Variants in STOX2 observed in about 807,000 individuals in gnomAD.
STOX2 encodes the protein storkhead box 2.
Under a neutral mutation model 60.9 loss-of-function variants are expected in STOX2, and 28 were observed. That is an observed-to-expected ratio of 0.46 (90% confidence interval 0.34 to 0.63). The LOEUF is 0.63. Ranked by LOEUF, STOX2 falls within the 30% of genes least tolerant of loss-of-function variation. STOX2 has a pLI of 0.01. For missense variants in STOX2, 1,024 were observed against 1,187.7 expected (o/e 0.86, Z 2.03); for synonymous variants, 472 against 463.9 (o/e 1.02, Z -0.22).
intron 2 of STOX2, among the ~76,000 whole-genome samples, chr4:184,008,798 A>G (rs1733993526): frequency 6.6e-6 from 1 of 152,158 alleles, no homozygotes; most frequent in East Asian, 1.9e-4. Context: ...CCTTTTCTAT[A>G]CTTTCATATC....
At chr4:183,962,824 T>G (rs1380324900) in intron 1 of STOX2, among the ~76,000 whole-genome samples, 1 of 152,282 alleles carries the variant, frequency 6.6e-6, no homozygotes, top group Admixed American at 6.5e-5. Flanking sequence ...AGTGTGCTTT[T>G]AGATAATTTG....
At chr4:183,980,299 A>G (rs1489254611) in intron 1 of STOX2, among the ~76,000 whole-genome samples, 1 of 152,222 alleles carries the variant, frequency 6.6e-6, no homozygotes, top group Admixed American at 6.5e-5. Context: ...CGAAAGGTGT[A>G]GAGGAGAGCA....
At chr4:183,951,230 A>AG (rs1743080520) in intron 1 of STOX2, among the ~76,000 whole-genome samples, 2 of 150,924 alleles carry the variant, frequency 1.3e-5, no homozygotes, top group South Asian at 2.1e-4. Flanking sequence ...AAAAGAAAAA[A>AG]AAAAAAAAGA....
intron 1 of STOX2, among the ~76,000 whole-genome samples, chr4:183,968,392 A>G (rs1055233381): frequency 1.3e-4 from 19 of 151,622 alleles, no homozygotes; most frequent in African/African-American, 4.4e-4. Context: ...AGAAGAGCAT[A>G]ATTAAAGACA....
At chr4:183,834,739 G>T (rs1739660843) in intron 1 of STOX2, among the ~76,000 whole-genome samples, 1 of 152,206 alleles carries the variant, frequency 6.6e-6, no homozygotes, top group East Asian at 1.9e-4. Flanking sequence ...TTGAATTTCA[G>T]TGTGACGCAT....
At chr4:183,943,295 ATACTT>A (rs1742800302) in intron 1 of STOX2, among the ~76,000 whole-genome samples, 1 of 152,218 alleles carries the variant, frequency 6.6e-6, no homozygotes, top group African/African-American at 2.4e-5. Context: ...AAAATCTAAA[ATACTT>A]TATTTTAACA....
intron 1 of STOX2, among the ~76,000 whole-genome samples, chr4:183,888,132 A>C (rs1203729108): frequency 6.6e-6 from 1 of 152,178 alleles, no homozygotes. Context: ...TACCGGGAGG[A>C]AAATATGGTG....
rs1445433080 is a variant in STOX2 at position 184,018,027 on chromosome 4, A to C, written c.*743A>C. 6.6e-6 allele frequency: 1 copy of C among 152,184 alleles called. No homozygotes were observed. The highest frequency in any genetic ancestry group is 1.9e-4 in the East Asian group (1 of 5,198). The allele number at this position is 152,184 out of a possible 1,614,324, so 9.4% of individuals were successfully genotyped here. On this transcript the variant is annotated 3_prime_UTR_variant, in exon 4 of 4. Transcript: ENST00000308497. ...CTTCCGTGATCACAAACAGGAATAT[A>C]GGCCTTTGAATCTGAAGTGGACAAA...
chr4:183,977,680 A>AT (rs1732496910), intron 1 of STOX2, among the ~76,000 whole-genome samples: 1 of 152,076 alleles, frequency 6.6e-6, no homozygotes, highest in South Asian at 2.1e-4. Flanking sequence ...TGGTAAAATA[A>AT]TTTCTTTTCC....
At chr4:183,981,270 G>A (rs1279045937) in intron 1 of STOX2, among the ~76,000 whole-genome samples, 1 of 152,062 alleles carries the variant, frequency 6.6e-6, no homozygotes, top group East Asian at 1.9e-4. Context: ...TTTGTTATTA[G>A]GACAATCAGG....
chr4:183,854,024 T>G (rs1259342869), intron 1 of STOX2, among the ~76,000 whole-genome samples: 2 of 152,242 alleles, frequency 1.3e-5, no homozygotes, highest in Non-Finnish European at 2.9e-5. Context: ...ATGTGGGATA[T>G]CCCATTGTTT....
At chr4:183,826,095 T>C (rs1017047917) in intron 1 of STOX2, among the ~76,000 whole-genome samples, 1 of 152,120 alleles carries the variant, frequency 6.6e-6, no homozygotes, top group Non-Finnish European at 1.5e-5. Flanking sequence ...TCCCAGGGAC[T>C]CTAGCTCAGC....
At chr4:183,976,504 G>A (rs961425577) in intron 1 of STOX2, among the ~76,000 whole-genome samples, 7 of 149,830 alleles carry the variant, frequency 4.7e-5, no homozygotes, top group South Asian at 2.2e-4. Flanking sequence ...GATAAAGAAC[G>A]TCCACAAAAA....
At chr4:183,936,436 T>C (rs1377037222) in intron 1 of STOX2, among the ~76,000 whole-genome samples, 2 of 151,654 alleles carry the variant, frequency 1.3e-5, no homozygotes, top group Admixed American at 6.6e-5. Context: ...TTTTCCGCAG[T>C]GGATCATGAG....
intron 1 of STOX2, among the ~76,000 whole-genome samples, chr4:183,947,638 A>G (rs531881137): frequency 6.6e-6 from 1 of 152,270 alleles, no homozygotes; most frequent in Admixed American, 6.5e-5. Flanking sequence ...CTCAGTCCTC[A>G]ATAAATGTTC....
chr4:183,932,186 A>G (rs1237926690), intron 1 of STOX2, among the ~76,000 whole-genome samples: 2 of 151,958 alleles, frequency 1.3e-5, no homozygotes, highest in Non-Finnish European at 2.9e-5. Context: ...ATTTGCTTGG[A>G]TGGAAATGCA....
intron 1 of STOX2, among the ~76,000 whole-genome samples, chr4:183,995,960 C>T (rs1733327740): frequency 6.6e-6 from 1 of 152,198 alleles, no homozygotes; most frequent in Non-Finnish European, 1.5e-5. Flanking sequence ...CCCGGCTACT[C>T]TTTCTCTTCA....
chr4:183,852,897 C>T (rs966262237), intron 1 of STOX2, among the ~76,000 whole-genome samples: 2 of 152,128 alleles, frequency 1.3e-5, no homozygotes, highest in African/African-American at 4.8e-5. Context: ...GTGTCAACTG[C>T]TTTTTCAAAC....
intron 1 of STOX2, among the ~76,000 whole-genome samples, chr4:183,994,216 A>G (rs1733235677): frequency 6.6e-6 from 1 of 152,158 alleles, no homozygotes; most frequent in Non-Finnish European, 1.5e-5. Context: ...CCCCATGCCC[A>G]TAGTGCATTT....
Sources: allele counts gnomAD v4.1 joint callset (sites outside exome capture counted in the v4.1 genomes callset), GRCh38; gene constraint gnomAD v4.1.1; transcripts MANE v1.5; gene names NCBI Gene and HGNC (gene_info 2026-07-23, HGNC 2026-07-21).